Variants in CNEP1R1 observed in about 807,000 individuals in gnomAD.
The protein encoded by CNEP1R1 is CTD nuclear envelope phosphatase 1 regulatory subunit 1.
In CNEP1R1, 10 loss-of-function variants were observed where a neutral mutation model predicts 22.7. The observed-to-expected ratio is 0.44, with a 90% CI of 0.27 to 0.75. The LOEUF (loss-of-function observed/expected upper bound fraction) is 0.75. Ranked by LOEUF, CNEP1R1 falls within the 30% of genes least tolerant of loss-of-function variation. The pLI, the probability that CNEP1R1 is intolerant of heterozygous loss-of-function variation, is 0.17. For missense variants in CNEP1R1, 73 were observed against 151.5 expected (o/e 0.48, Z 2.72); for synonymous variants, 53 against 50.1 (o/e 1.06, Z -0.25).
rs2036285021 is a variant in CNEP1R1, at chr16:50,036,970, C to T, written c.*1512C>T. 6.6e-6 allele frequency: 1 copy of T among 152,604 alleles called. No homozygotes were observed. The highest frequency in any genetic ancestry group is 2.4e-5 in the African/African-American group (1 of 41,436). The allele number at this position is 152,604 out of a possible 1,614,324, so 9.5% of individuals were successfully genotyped here. Reference sequence around the variant, plus strand: ...GATTCTTTGAACTGCAGCAATAAAACCCTCAGCTCCTAAGAAGTCTTAAGA... The same window carrying T: ...GATTCTTTGAACTGCAGCAATAAAATCCTCAGCTCCTAAGAAGTCTTAAGA... On this transcript the variant is annotated 3_prime_UTR_variant, in exon 6 of 6. Transcript: ENST00000427478.
chr16:50,032,690 C>T (rs1021435773), intron 3 of CNEP1R1, among the ~76,000 whole-genome samples: 1 of 152,164 alleles, frequency 6.6e-6, no homozygotes, highest in African/African-American at 2.4e-5. Flanking sequence ...GTTTGCTCAA[C>T]TCTTTTAAGG....
intron 2 of CNEP1R1, among the ~76,000 whole-genome samples, chr16:50,028,233 T>G (rs928954410): frequency 1.3e-5 from 2 of 152,220 alleles, no homozygotes; most frequent in African/African-American, 4.8e-5. Context: ...AGTGCTAGGA[T>G]TACAGGTGTG....
chr16:50,027,352 A>T (rs1399701860), intron 2 of CNEP1R1, among the ~76,000 whole-genome samples: 1 of 151,746 alleles, frequency 6.6e-6, no homozygotes, highest in East Asian at 1.9e-4. Context: ...TACTAAAAAT[A>T]AAAAAATTAG....
At chr16:50,028,618 G>T (rs563824925) in intron 2 of CNEP1R1, among the ~76,000 whole-genome samples, 2 of 152,216 alleles carry the variant, frequency 1.3e-5, no homozygotes, top group East Asian at 3.9e-4. Flanking sequence ...CTTATAAAAT[G>T]TGATATAAAT....
chr16:50,025,257 G>C lies in CNEP1R1; in HGVS notation c.-59G>C, dbSNP rs186131518. On this transcript the variant is annotated 5_prime_UTR_variant, in exon 1 of 6. Transcript: ENST00000427478. Reference sequence around the variant, plus strand: ...GGAGTTGGCGCTGCGGGCCGGGCGGGGGCCGCGGAAGCTGCGATGCGGACA... The same window carrying C: ...GGAGTTGGCGCTGCGGGCCGGGCGGCGGCCGCGGAAGCTGCGATGCGGACA... The C allele has an allele frequency of 0.013, 18,613 of 1,383,948 alleles. 139 individuals are homozygous for C. Among genetic ancestry groups the C allele is most frequent in the Non-Finnish European group, 0.015 (15,737 of 1,074,130 alleles). 85.7% of individuals were successfully genotyped at this position (1,383,948 alleles called of 1,614,324 possible). A position where few individuals can be genotyped will look rare whatever the true frequency, so the allele number is the denominator to read the frequency against.
At chr16:50,031,169 T>G (rs969524431) in intron 3 of CNEP1R1, among the ~76,000 whole-genome samples, 1 of 152,208 alleles carries the variant, frequency 6.6e-6, no homozygotes, top group African/African-American at 2.4e-5. Context: ...AGTAGACTAC[T>G]TTCAGTAGCT....
chr16:50,030,080 T>A lies in CNEP1R1; in HGVS notation c.171+282T>A, dbSNP rs377534908. ...GAATTTATCATTTTTACATTTTTTT[T>A]ATATCTCTCATTTTTACTTCAGTGT... On this transcript the variant is annotated intron_variant, in intron 3 of 5. Transcript: ENST00000427478. Among the ~76,000 whole-genome samples, 38 of 152,316 alleles carry A rather than the reference T, an allele frequency of 2.5e-4. 1 individual carries two copies. In the South Asian group the frequency reaches 5.0e-3, roughly 20 times the overall value.
chr16:50,031,052 C>T (rs2036227201), intron 3 of CNEP1R1, among the ~76,000 whole-genome samples: 1 of 152,082 alleles, frequency 6.6e-6, no homozygotes, highest in South Asian at 2.1e-4. Flanking sequence ...TAGTTAGTCT[C>T]CAATTTTTTA....
In CNEP1R1 at chr16:50,025,307, C is replaced by T; in HGVS notation, c.-9C>T. The T allele has an allele frequency of 1.4e-6, 2 of 1,429,326 alleles. No homozygotes were observed. Among genetic ancestry groups the T allele is most frequent in the Non-Finnish European group, 1.8e-6 (2 of 1,096,018 alleles). 88.5% of individuals were successfully genotyped at this position (1,429,326 alleles called of 1,614,324 possible). Reference sequence around the variant, plus strand: ...AGGGCAGCGGCGGTGACCCGAGCTGCCGCCCGACATGAACTCGCTGGAGCA... The same window carrying T: ...AGGGCAGCGGCGGTGACCCGAGCTGTCGCCCGACATGAACTCGCTGGAGCA... On this transcript the variant is annotated 5_prime_UTR_variant, in exon 1 of 6. Coordinates refer to ENST00000427478, the MANE Select transcript of CNEP1R1 (RefSeq NM_001281789.2).
intron 5 of CNEP1R1, chr16:50,034,444 A>G: frequency 2.6e-6 from 1 of 389,364 alleles, no homozygotes; most frequent in South Asian, 2.7e-5. Context: ...GATTCAGTGA[A>G]GTACAGTGGT....
In CNEP1R1 at chr16:50,034,093, T is replaced by G. The variant is rs779005717; in HGVS notation, c.282-9T>G. ...AATGAGAAATTTTCCTTTGACCACATGTATTCAGTATAGCTGCTCGATGTC... is the reference window on the plus strand; with the variant it reads ...AATGAGAAATTTTCCTTTGACCACAGGTATTCAGTATAGCTGCTCGATGTC... On this transcript the variant is annotated splice_polypyrimidine_tract_variant and intron_variant, in intron 4 of 5. Transcript: ENST00000427478. 6.3e-7 allele frequency: 1 copy of G among 1,587,866 alleles called. No individual in the cohort carries two copies. The highest frequency in any genetic ancestry group is 1.1e-5 in the South Asian group (1 of 87,566).
At position 50,034,140 on chromosome 16, in the gene CNEP1R1, A is replaced by G. The variant is rs777041418; in HGVS notation, c.320A>G (p.Asn107Ser). 1.0e-5 allele frequency: 16 copies of G among 1,587,296 alleles called. No individual in the cohort carries two copies. Among genetic ancestry groups the G allele is most frequent in the Non-Finnish European group, 1.3e-5 (15 of 1,165,092 alleles). ...TGTCGAACGGTATTAGCAGAATACA[A>G]TATGTCTTGTGATGATGTAAGTATT... is the stretch of plus-strand genomic sequence containing the variant. ...ARCRTVLAEY[N>S]MSCDDTGKLI... Residue 107 changes from asparagine (N) to serine (S), a missense_variant, in exon 5 of 6, where the codon AAT becomes AGT. Physicochemically the swap from Asn to Ser is conservative, Grantham distance 46. Coordinates refer to ENST00000427478, the MANE Select transcript of CNEP1R1 (RefSeq NM_001281789.2).
intron 3 of CNEP1R1, 65 bp downstream of exon 3, chr16:50,029,863 TTAATGA>T: frequency 2.1e-6 from 2 of 942,228 alleles, no homozygotes; most frequent in Non-Finnish European, 3.4e-6. Flanking sequence ...TAGTGCTTTG[TTAATGA>T]TAAAGTATTC....
chr16:50,030,857 A>G (rs771254104), intron 3 of CNEP1R1, among the ~76,000 whole-genome samples: 6 of 152,238 alleles, frequency 3.9e-5, no homozygotes, highest in Non-Finnish European at 7.3e-5. Context: ...TACAGGAAAC[A>G]CTGAGGGATC....
chr16:50,030,441 A>C (rs991387903), intron 3 of CNEP1R1, among the ~76,000 whole-genome samples: 2 of 152,222 alleles, frequency 1.3e-5, no homozygotes, highest in Non-Finnish European at 2.9e-5. Context: ...CTCAGAAAAA[A>C]AGAGGGAGAG....
At chr16:50,033,820 C>T (rs867166112) in intron 4 of CNEP1R1, among the ~76,000 whole-genome samples, 1 of 148,374 alleles carries the variant, frequency 6.7e-6, no homozygotes, top group African/African-American at 2.5e-5. Context: ...GCTGAAATCA[C>T]GCCACTGCAC....
Position 50,035,620 on chromosome 16 carries a change from A to G in CNEP1R1, c.*162A>G. 1 of 572,180 alleles carries G rather than the reference A, an allele frequency of 1.7e-6. No individual in the cohort carries two copies. Among genetic ancestry groups the G allele is most frequent in the South Asian group, 2.3e-5 (1 of 44,210 alleles). The allele number at this position is 572,180 out of a possible 1,614,324, so 35.4% of individuals were successfully genotyped here. On this transcript the variant is annotated 3_prime_UTR_variant, in exon 6 of 6. Coordinates refer to ENST00000427478, the MANE Select transcript of CNEP1R1 (RefSeq NM_001281789.2). ...TACCTGGATTATCTTGATGATGGTG[A>G]CTCATTATCAGTGCTTTGGTACTTT...
rs2036270292 is a variant in CNEP1R1 at position 50,035,715 on chromosome 16, G to A, written c.*257G>A. The A allele has an allele frequency of 2.6e-6, 1 of 389,418 alleles. No individual in the cohort carries two copies. 24.1% of individuals were successfully genotyped at this position (389,418 alleles called of 1,614,324 possible). On this transcript the variant is annotated 3_prime_UTR_variant, in exon 6 of 6. Transcript: ENST00000427478. ...TCCTGCAAATATTTTTGCAGATGAAGTATGTATGTATGTTACTAAGTTAAA... is the reference window on the plus strand; with the variant it reads ...TCCTGCAAATATTTTTGCAGATGAAATATGTATGTATGTTACTAAGTTAAA...
chr16:50,033,569 AAAAG>A, intron 4 of CNEP1R1, 63 bp downstream of exon 4: 1 of 907,026 alleles, frequency 1.1e-6, no homozygotes, highest in South Asian at 1.5e-5. Context: ...GGTAATGGTT[AAAAG>A]CTTACTCTTG....
Sources: gnomAD v4.1 joint callset for allele counts (sites outside exome capture counted in the v4.1 genomes callset) on GRCh38, gnomAD v4.1.1 for gene constraint, MANE v1.5 for transcripts, NCBI Gene and HGNC (gene_info 2026-07-23, HGNC 2026-07-21) for gene names.